Variants in XRCC2 observed in about 807,000 individuals in gnomAD.
XRCC2 encodes the protein X-ray repair cross complementing 2.
In XRCC2, 24 loss-of-function variants were observed where a neutral mutation model predicts 27.3. The observed-to-expected ratio is 0.88, with a 90% CI of 0.64 to 1.24. The LOEUF is 1.24. XRCC2 is among the 50% of genes most tolerant of loss of function. The pLI, the probability that XRCC2 is intolerant of heterozygous loss-of-function variation, is 0.00. For missense variants in XRCC2, 321 were observed against 325.8 expected, an observed-to-expected ratio of 0.99 and a Z score of 0.11; for synonymous variants, 106 against 115.4, an observed-to-expected ratio of 0.92 and a Z score of 0.52.
At chr7:152,655,704 C>T (rs541398459) in intron 2 of XRCC2, among the ~76,000 whole-genome samples, 1 of 151,882 alleles carries the variant, frequency 6.6e-6, no homozygotes, top group Non-Finnish European at 1.5e-5. Flanking sequence ...AAGAGTGAGA[C>T]CCTGTCTCAA....
chr7:152,650,372 C>T (rs890311942), intron 2 of XRCC2, among the ~76,000 whole-genome samples: 11 of 152,192 alleles, frequency 7.2e-5, no homozygotes, highest in African/African-American at 1.2e-4. Context: ...CTACTCTGAA[C>T]GTTAAAGACT....
At chr7:152,673,855 G>A (rs3218390) in intron 1 of XRCC2, among the ~76,000 whole-genome samples, 12,853 of 152,014 alleles carry the variant, frequency 0.085, 809 homozygotes, top group Admixed American at 0.2. Flanking sequence ...CAGCCTGGGC[G>A]ACAGAGTGAG....
rs2098025083 is a variant in XRCC2 at position 152,644,937 on chromosome 7, C to T, written c.*3705G>A. 6.6e-6 allele frequency: 1 copy of T among 152,130 alleles called. No individual in the cohort carries two copies. Among genetic ancestry groups the T allele is most frequent in the African/African-American group, 2.4e-5 (1 of 41,444 alleles). The allele number at this position is 152,130 out of a possible 1,614,324, so 9.4% of individuals were successfully genotyped here. On this transcript the variant is annotated 3_prime_UTR_variant, in exon 3 of 3. Coordinates refer to ENST00000359321, the MANE Select transcript of XRCC2 (RefSeq NM_005431.2). The stretch of plus-strand genomic sequence containing the variant: ...GATTCATTCGATGAGTCCGATTTTT[C>T]TGAAAGAGATGATTCTGATGATTCA...
chr7:152,655,977 A>G (rs1167140188), intron 2 of XRCC2, among the ~76,000 whole-genome samples: 1 of 152,144 alleles, frequency 6.6e-6, no homozygotes, highest in Non-Finnish European at 1.5e-5. Flanking sequence ...ACTCTGTGTC[A>G]AAACAAAACA....
At position 152,644,953 on chromosome 7, in the gene XRCC2, T is replaced by A. The variant is rs1031078196; in HGVS notation, c.*3689A>T. On this transcript the variant is annotated 3_prime_UTR_variant, in exon 3 of 3. Coordinates refer to ENST00000359321, the MANE Select transcript of XRCC2 (RefSeq NM_005431.2). Reference sequence around the variant, plus strand: ...CCGATTTTTCTGAAAGAGATGATTCTGATGATTCAGATGATTCTGATGTTA... The same window carrying A: ...CCGATTTTTCTGAAAGAGATGATTCAGATGATTCAGATGATTCTGATGTTA... 1.3e-5 allele frequency: 2 copies of A among 152,234 alleles called. No individual in the cohort carries two copies. Among genetic ancestry groups the A allele is most frequent in the African/African-American group, 4.8e-5 (2 of 41,470 alleles). The allele number at this position is 152,234 out of a possible 1,614,324, so 9.4% of individuals were successfully genotyped here.
rs78641066 is a variant in XRCC2, at chr7:152,646,132, T to C, written c.*2510A>G. On this transcript the variant is annotated 3_prime_UTR_variant, in exon 3 of 3. Coordinates refer to ENST00000359321, the MANE Select transcript of XRCC2 (RefSeq NM_005431.2). ...TTTCATTTTAAAGTTATGCCCCTTT[T>C]CTATCCTTGAGTGGTTAAGAAATCA... 9,120 of 152,278 alleles carry C rather than the reference T, an allele frequency of 0.06. 574 individuals are homozygous for C. The highest frequency in any genetic ancestry group is 0.19 in the Admixed American group (2,959 of 15,270). 9.4% of individuals were successfully genotyped at this position (152,278 alleles called of 1,614,324 possible).
intron 2 of XRCC2, 48 bp downstream of exon 2, chr7:152,660,653 C>A (rs750762896): frequency 6.6e-7 from 1 of 1,520,450 alleles, no homozygotes; most frequent in Admixed American, 1.8e-5. Context: ...TGTGAAAAAT[C>A]CTTTTATAAA....
chr7:152,658,782 A>AAT, intron 2 of XRCC2, among the ~76,000 whole-genome samples: 1 of 152,384 alleles, frequency 6.6e-6, no homozygotes, highest in South Asian at 2.1e-4. Context: ...AAGGCTGAAT[A>AAT]ATATCAACTG....
At chr7:152,669,173 C>G (rs2098037182) in intron 1 of XRCC2, among the ~76,000 whole-genome samples, 1 of 152,054 alleles carries the variant, frequency 6.6e-6, no homozygotes, top group Non-Finnish European at 1.5e-5. Context: ...GCCAAGAGTT[C>G]AAGACTAGCC....
chr7:152,657,791 TAGAAAAATAATTC>T (rs1172762752), intron 2 of XRCC2, among the ~76,000 whole-genome samples: 1 of 152,018 alleles, frequency 6.6e-6, no homozygotes, highest in Non-Finnish European at 1.5e-5. Flanking sequence ...GGGCAATCAC[TAGAAAAATAATTC>T]AGAAAAATAT....
intron 2 of XRCC2, among the ~76,000 whole-genome samples, chr7:152,657,114 T>A (rs1042939367): frequency 6.0e-5 from 9 of 150,770 alleles, no homozygotes; most frequent in African/African-American, 2.2e-4. Context: ...CACACACCTG[T>A]AGTCCCAGGT....
At chr7:152,667,693 G>A (rs2098036511) in intron 1 of XRCC2, among the ~76,000 whole-genome samples, 1 of 151,896 alleles carries the variant, frequency 6.6e-6, no homozygotes, top group Non-Finnish European at 1.5e-5. Context: ...TACAAGTAAT[G>A]GATAATATTA....
chr7:152,650,874 G>A (rs939338026), intron 2 of XRCC2, among the ~76,000 whole-genome samples: 20 of 152,102 alleles, frequency 1.3e-4, no homozygotes, highest in East Asian at 1.9e-4. Flanking sequence ...CGACAAGAGC[G>A]AAACTCCGTC....
chr7:152,649,551 T>C (rs1302612595), intron 2 of XRCC2, among the ~76,000 whole-genome samples, 188 bp from the exon 3 acceptor site: 2 of 152,134 alleles, frequency 1.3e-5, no homozygotes, highest in African/African-American at 4.8e-5. Flanking sequence ...GGTGGGAAGG[T>C]TGGAAGAGGC....
chr7:152,667,518 A>G (rs1324780596), intron 1 of XRCC2, among the ~76,000 whole-genome samples: 1 of 152,030 alleles, frequency 6.6e-6, no homozygotes, highest in Non-Finnish European at 1.5e-5. Flanking sequence ...GGCAATCTGC[A>G]TCAGACTTTC....
At chr7:152,672,698 A>C (rs1251549537) in intron 1 of XRCC2, among the ~76,000 whole-genome samples, 2 of 152,230 alleles carry the variant, frequency 1.3e-5, no homozygotes, top group Non-Finnish European at 2.9e-5. Context: ...TTGGGTAATG[A>C]TAATGGGAGT....
intron 2 of XRCC2, among the ~76,000 whole-genome samples, chr7:152,657,844 G>A (rs1382635037): frequency 6.6e-6 from 1 of 151,618 alleles, no homozygotes; most frequent in Admixed American, 6.6e-5. Context: ...GAATTAAAAT[G>A]GTACATTAGA....
intron 1 of XRCC2, 89 bp downstream of exon 1, chr7:152,675,952 G>T: frequency 6.4e-7 from 1 of 1,571,710 alleles, no homozygotes; most frequent in Non-Finnish European, 8.7e-7. Context: ...GCCGCCCCAA[G>T]CCTCCCAATC....
rs2098025019 is a variant in XRCC2, at chr7:152,644,809, CA to C, written c.*3832del. On this transcript the variant is annotated 3_prime_UTR_variant, in exon 3 of 3. Coordinates refer to ENST00000359321, the MANE Select transcript of XRCC2 (RefSeq NM_005431.2). ...ATTCTGTCTTTAGTAGTGGTATTTC[CA>C]TTTACAAAACATAGTAATTCTTGAT... is the stretch of plus-strand genomic sequence containing the variant. The C allele has an allele frequency of 3.3e-5, 5 of 152,260 alleles. 1 individual carries two copies. In the South Asian group the frequency reaches 8.3e-4, roughly 25 times the overall value. 9.4% of individuals were successfully genotyped at this position (152,260 alleles called of 1,614,324 possible).
Sources: allele counts gnomAD v4.1 joint callset (sites outside exome capture counted in the v4.1 genomes callset), GRCh38; gene constraint gnomAD v4.1.1; transcripts MANE v1.5; gene names NCBI Gene and HGNC (gene_info 2026-07-23, HGNC 2026-07-21).